The following GLRA3 variants were observed in gnomAD, a reference collection of about 807,000 sequenced individuals.
The protein encoded by GLRA3 is glycine receptor subunit alpha-3.
A neutral mutation model predicts 60.4 loss-of-function variants in GLRA3; 44 were observed. That is an observed-to-expected ratio of 0.73 (90% CI 0.57 to 0.94). The LOEUF (loss-of-function observed/expected upper bound fraction) is 0.94, where lower values mean the gene tolerates loss of function less well. Among genes scored for constraint, GLRA3 ranks in the 40% least tolerant of loss-of-function variants. The pLI, the probability that GLRA3 is intolerant of heterozygous loss-of-function variation, is 0.00. For synonymous variants in GLRA3, 223 were observed against 192.9 expected (o/e 1.16, Z -1.29); for missense variants, 508 against 564.6 (o/e 0.90, Z 1.02).
At chr4:174,717,617 A>T (rs1735976104) in intron 4 of GLRA3, among the ~76,000 whole-genome samples, 1 of 152,164 alleles carries the variant, frequency 6.6e-6, no homozygotes, top group African/African-American at 2.4e-5. Context: ...TCTTAGGAGG[A>T]TAATCTGGTA....
rs965072199 is a variant in GLRA3 at position 174,696,592 on chromosome 4, C to T, written c.575-13653G>A. On this transcript the variant is annotated intron_variant, in intron 5 of 9. Coordinates refer to ENST00000274093, the MANE Select transcript of GLRA3 (RefSeq NM_006529.4). ...TACTAAGTATGCAGGAAGAAAAGCTCAAACTAAAGGAAATGAAAATACAAC... is the reference window on the plus strand; with the variant it reads ...TACTAAGTATGCAGGAAGAAAAGCTTAAACTAAAGGAAATGAAAATACAAC... Among the ~76,000 whole-genome samples the T allele has an allele frequency of 2.0e-5, 3 of 151,396 alleles. No homozygotes were observed. In the East Asian group the frequency reaches 5.8e-4, roughly 29 times the overall value.
chr4:174,726,316 CT>C (rs1163937430), intron 4 of GLRA3, among the ~76,000 whole-genome samples: 1 of 152,144 alleles, frequency 6.6e-6, no homozygotes, highest in Non-Finnish European at 1.5e-5. Context: ...ATTATTTGTC[CT>C]TTCCTGACAC....
chr4:174,682,383 G>A (rs895562074), intron 6 of GLRA3, among the ~76,000 whole-genome samples: 2 of 151,866 alleles, frequency 1.3e-5, no homozygotes, highest in Admixed American at 1.3e-4. Flanking sequence ...ACGAAAATAT[G>A]ACAAAGGGAA....
chr4:174,828,608 A>G lies in GLRA3; in HGVS notation c.71+133T>C, dbSNP rs1358521178. 4.3e-5 allele frequency: 28 copies of G among 645,172 alleles called. No individual in the cohort carries two copies. In the Admixed American group the frequency reaches 5.4e-4, roughly 13 times the overall value. The allele number at this position is 645,172 out of a possible 1,614,324, so 40.0% of individuals were successfully genotyped here. ...CTGCTAAATAATTTAGACAGAAAAC[A>G]ATACGATTAAATTGATTGTTTCAAC... On this transcript the variant is annotated intron_variant, in intron 1 of 9. Transcript: ENST00000274093.
At chr4:174,809,378 T>C (rs1023389010) in intron 1 of GLRA3, among the ~76,000 whole-genome samples, 1 of 152,124 alleles carries the variant, frequency 6.6e-6, no homozygotes, top group Non-Finnish European at 1.5e-5. Context: ...TCAAAACTTT[T>C]CCCTGCTGTT....
chr4:174,726,556 T>G (rs1312096540), intron 4 of GLRA3, among the ~76,000 whole-genome samples: 3 of 152,178 alleles, frequency 2.0e-5, no homozygotes, highest in Non-Finnish European at 2.9e-5. Context: ...GGACTTTGAT[T>G]TTTGTCTGTA....
intron 3 of GLRA3, among the ~76,000 whole-genome samples, chr4:174,755,311 C>T (rs780269081): frequency 8.6e-5 from 13 of 151,972 alleles, no homozygotes; most frequent in Non-Finnish European, 1.8e-4. Context: ...ATGAGCAAAT[C>T]ACAGAGAACT....
chr4:174,718,246 A>G lies in GLRA3; in HGVS notation c.492-2676T>C, dbSNP rs543170324. Among the ~76,000 whole-genome samples, 7 of 152,336 alleles carry G rather than the reference A, an allele frequency of 4.6e-5. No homozygotes were observed. The South Asian group carries it at 1.5e-3, about 32-fold the overall frequency. The stretch of plus-strand genomic sequence containing the variant: ...TACTGAATTTCTTTGTCAAAACACT[A>G]CATATAAATTAAAGACATGTCTTGA... On this transcript the variant is annotated intron_variant, in intron 4 of 9. Coordinates refer to ENST00000274093, the MANE Select transcript of GLRA3 (RefSeq NM_006529.4).
At chr4:174,766,353 A>G (rs921376847) in intron 3 of GLRA3, among the ~76,000 whole-genome samples, 1 of 152,038 alleles carries the variant, frequency 6.6e-6, no homozygotes, top group African/African-American at 2.4e-5. Flanking sequence ...TATTACAGTT[A>G]AATTGCCCAA....
intron 5 of GLRA3, among the ~76,000 whole-genome samples, chr4:174,703,145 G>C (rs1370293898): frequency 1.3e-5 from 2 of 152,192 alleles, no homozygotes; most frequent in African/African-American, 2.4e-5. Context: ...TGGAACTTCT[G>C]AGAGCTCAGA....
At chr4:174,807,168 G>A (rs935595477) in intron 1 of GLRA3, among the ~76,000 whole-genome samples, 14 of 151,804 alleles carry the variant, frequency 9.2e-5, no homozygotes, top group African/African-American at 3.1e-4. Flanking sequence ...TCAAACTTAC[G>A]GTGTTGTAGC....
At chr4:174,827,597 AT>A (rs1416436484) in intron 1 of GLRA3, among the ~76,000 whole-genome samples, 1 of 151,920 alleles carries the variant, frequency 6.6e-6, no homozygotes, top group Non-Finnish European at 1.5e-5. Context: ...TATCAAGATG[AT>A]TTTTATTGAA....
chr4:174,722,607 T>A (rs1176449436), intron 4 of GLRA3: 1 of 153,494 alleles, frequency 6.5e-6, no homozygotes, highest in Non-Finnish European at 1.5e-5. Flanking sequence ...TTCATCCTCC[T>A]GTGTGTTAAC....
At chr4:174,650,055 T>C (rs971280002) in intron 9 of GLRA3, among the ~76,000 whole-genome samples, 4 of 152,170 alleles carry the variant, frequency 2.6e-5, no homozygotes, top group African/African-American at 9.7e-5. Flanking sequence ...GTGGCACCTG[T>C]GACTAGGTAC....
intron 9 of GLRA3, 123 bp from the exon 10 acceptor site, chr4:174,644,187 C>A (rs898201586): frequency 3.1e-6 from 2 of 645,750 alleles, no homozygotes; most frequent in East Asian, 2.6e-5. Flanking sequence ...AAAAGATAAC[C>A]GAAGCATATA....
chr4:174,662,699 A>G (rs1264689852), intron 7 of GLRA3, among the ~76,000 whole-genome samples: 1 of 152,146 alleles, frequency 6.6e-6, no homozygotes, highest in African/African-American at 2.4e-5. Context: ...GCTCTTTCCT[A>G]TCTTTCCCAG....
chr4:174,682,660 G>A (rs922224052), intron 6 of GLRA3, 142 bp downstream of exon 6: 7 of 553,786 alleles, frequency 1.3e-5, no homozygotes, highest in Non-Finnish European at 2.2e-5. Flanking sequence ...AGTATTCATA[G>A]GTTTCAAATG....
At chr4:174,797,765 C>A (rs1739628296) in intron 1 of GLRA3, among the ~76,000 whole-genome samples, 1 of 151,904 alleles carries the variant, frequency 6.6e-6, no homozygotes, top group Admixed American at 6.6e-5. Context: ...GACCTCTTCT[C>A]TACAAAAAAA....
At chr4:174,690,114 T>A (rs1380429563) in intron 5 of GLRA3, among the ~76,000 whole-genome samples, 2 of 152,220 alleles carry the variant, frequency 1.3e-5, no homozygotes, top group Non-Finnish European at 2.9e-5. Flanking sequence ...AAATACCGCA[T>A]GTTCTCACTT....
Sources: gnomAD v4.1 joint callset for allele counts (sites outside exome capture counted in the v4.1 genomes callset) on GRCh38, gnomAD v4.1.1 for gene constraint, MANE v1.5 for transcripts, NCBI Gene and HGNC (gene_info 2026-07-23, HGNC 2026-07-21) for gene names.